FTCD: variants seen among roughly 807,000 people sequenced by gnomAD.
The protein encoded by FTCD is formimidoyltransferase cyclodeaminase, also known as formimidoyltransferase-cyclodeaminase.
Under a neutral mutation model 62.9 loss-of-function variants are expected in FTCD, and 76 were observed. That is an observed-to-expected ratio of 1.21 (90% confidence interval 1.00 to 1.46). The LOEUF is 1.46. FTCD is among the 40% of genes most tolerant of loss of function. FTCD has a pLI of 0.00. For missense variants in FTCD, 845 were observed against 751.3 expected, an observed-to-expected ratio of 1.12 and a Z score of -1.46; for synonymous variants, 397 against 336.9, an observed-to-expected ratio of 1.18 and a Z score of -1.95.
chr21:46,139,298 T>G (rs1169979567), intron 10 of FTCD, among the ~76,000 whole-genome samples: 1 of 152,156 alleles, frequency 6.6e-6, no homozygotes, highest in African/African-American at 2.4e-5. Context: ...CCCCCAAGCC[T>G]GGGCATAAGA....
rs79021510 is a variant in FTCD, at chr21:46,138,614, C to A, written c.1337G>T (p.Arg446Leu). ...RTAALQEGLR[R>L]AVSVPLTLAE... is the part of the protein sequence containing the mutation. ...CAGCGTCAGCGGCACAGAGACTGCC[C>A]GCCTCAGACCCTCCTGTAGGGCCGC... The change falls in exon 12 of 14, where the codon CGG becomes CTG. Residue 446 changes from arginine (R) to leucine (L), a missense_variant. By Grantham distance (102) the Arg-to-Leu change is moderately radical. Coordinates refer to ENST00000397746, the MANE Select transcript of FTCD (RefSeq NM_206965.2). The A allele has an allele frequency of 1.3e-6, 2 of 1,593,168 alleles. No individual in the cohort carries two copies. Among genetic ancestry groups the A allele is most frequent in the Non-Finnish European group, 1.7e-6 (2 of 1,176,850 alleles).
intron 7 of FTCD, 161 bp from the exon 8 acceptor site, chr21:46,146,488 T>G (rs3747000): frequency 0.06 from 38,073 of 633,956 alleles, 3,957 homozygotes; most frequent in East Asian, 0.42. Flanking sequence ...ACCCCCCACC[T>G]CTGCCCCGCC....
intron 10 of FTCD, among the ~76,000 whole-genome samples, chr21:46,141,251 T>C (rs895953883): frequency 1.3e-5 from 2 of 151,912 alleles, no homozygotes; most frequent in Non-Finnish European, 2.9e-5. Flanking sequence ...TACCCCCACT[T>C]AAGCCTCCTG....
chr21:46,152,645 G>A (rs1601349484), intron 3 of FTCD: 1 of 416,186 alleles, frequency 2.4e-6, no homozygotes, highest in East Asian at 3.6e-5. Flanking sequence ...TTCTGCTCTA[G>A]AAGGCGTGGA....
intron 8 of FTCD, 129 bp from the exon 9 acceptor site, chr21:46,146,076 G>A (rs1236973968): frequency 1.4e-6 from 1 of 718,308 alleles, no homozygotes; most frequent in Non-Finnish European, 2.3e-6. Flanking sequence ...GAGAACCTGC[G>A]GGGACCCGGC....
At position 46,145,369 on chromosome 21, in the gene FTCD, G is replaced by A. The variant is rs1213844972; in HGVS notation, c.1260+48C>T. 6.1e-6 allele frequency: 9 copies of A among 1,475,154 alleles called. No individual in the cohort carries two copies. The African/African-American group carries it at 8.4e-5, about 14-fold the overall frequency. The allele number at this position is 1,475,154 out of a possible 1,614,324, so 91.4% of individuals were successfully genotyped here. ...CTTCTCACTGGGGCCCCAGCTGGGG[G>A]TTCGCTGTTGGTGGGGCCCGGGGAG... On this transcript the variant is annotated intron_variant, in intron 10 of 13. Transcript: ENST00000397746.
At chr21:46,137,113 C>A (rs2078886711) in intron 13 of FTCD, 40 bp from the exon 14 acceptor site, 1 of 1,612,932 alleles carries the variant, frequency 6.2e-7, no homozygotes, top group Non-Finnish European at 8.5e-7. Flanking sequence ...TAGTTCCAGT[C>A]TTCAGCCCAG....
rs140393252 is a variant in FTCD, at chr21:46,151,763, A to G, written c.457-26T>C. ...CTGTGAGCAAGTTCGCTCTGGGGTGAGACATCCCCCACGGGAGGGAACAGC... is the reference window on the plus strand; with the variant it reads ...CTGTGAGCAAGTTCGCTCTGGGGTGGGACATCCCCCACGGGAGGGAACAGC... On this transcript the variant is annotated intron_variant, in intron 4 of 13. Transcript: ENST00000397746. 186 of 1,611,296 alleles carry G rather than the reference A, an allele frequency of 1.2e-4. 1 individual carries two copies. The African/African-American group carries it at 2.3e-3, about 20-fold the overall frequency.
chr21:46,152,139 G>A (rs527885994), intron 3 of FTCD, 159 bp from the exon 4 acceptor site: 7 of 600,500 alleles, frequency 1.2e-5, no homozygotes, highest in East Asian at 2.8e-5. Flanking sequence ...GGATGGATGC[G>A]GGTGGTCCCA....
intron 12 of FTCD, 90 bp downstream of exon 12, chr21:46,138,418 C>T (rs1293420183): frequency 7.5e-7 from 1 of 1,333,294 alleles, no homozygotes; most frequent in African/African-American, 1.4e-5. Context: ...TGGCTCAGCC[C>T]AGCCAACCAC....
At chr21:46,149,081 T>TG (rs1187595247) in intron 7 of FTCD, among the ~76,000 whole-genome samples, 1 of 152,036 alleles carries the variant, frequency 6.6e-6, no homozygotes, top group Non-Finnish European at 1.5e-5. Flanking sequence ...CACAAATAAA[T>TG]GGGGCAAAAT....
intron 2 of FTCD, among the ~76,000 whole-genome samples, chr21:46,153,859 G>A (rs1490110544): frequency 6.6e-6 from 1 of 152,250 alleles, no homozygotes; most frequent in Non-Finnish European, 1.5e-5. Flanking sequence ...GGTGGACGGG[G>A]CCCACAAACC....
intron 12 of FTCD, 112 bp from the exon 13 acceptor site, chr21:46,137,446 A>G: frequency 1.2e-6 from 1 of 844,114 alleles, no homozygotes; most frequent in Non-Finnish European, 2.0e-6. Flanking sequence ...TCCTCCTCAC[A>G]AGGAGCCCAG....
rs1376788197 is a variant in FTCD at position 46,137,250 on chromosome 21, A to T, written c.1528T>A (p.Phe510Ile). 3 of 1,612,248 alleles carry T rather than the reference A, an allele frequency of 1.9e-6. No homozygotes were observed. Among genetic ancestry groups the T allele is most frequent in the Admixed American group, 3.3e-5 (2 of 60,010 alleles). ...TGCCTCCTGCTCACCTGGTCCTTAAATGCCTCGTCTGTGATGTCCCTCAGG... is the reference window on the plus strand; with the variant it reads ...TGCCTCCTGCTCACCTGGTCCTTAATTGCCTCGTCTGTGATGTCCCTCAGG... ...INLRDITDEAFKDQIHHRVSS... is the reference protein window; with the variant it reads ...INLRDITDEAIKDQIHHRVSS... Residue 510 changes from phenylalanine to isoleucine, a missense_variant, in exon 13 of 14, where the codon TTT becomes ATT. Phe to Ile is a conservative substitution (Grantham distance 21). Coordinates refer to ENST00000397746, the MANE Select transcript of FTCD (RefSeq NM_206965.2).
intron 11 of FTCD, 69 bp downstream of exon 11, chr21:46,138,805 CCCAGGT>C (rs2078929949): frequency 6.9e-7 from 1 of 1,452,288 alleles, no homozygotes; most frequent in Non-Finnish European, 9.7e-7. Context: ...CGTCACAGCA[CCCAGGT>C]ACTCGGGATC....
In FTCD at chr21:46,152,901, G is replaced by A. The variant is rs769062631; in HGVS notation, c.367+6C>T. On this transcript the variant is annotated splice_donor_region_variant and intron_variant, in intron 3 of 13. Transcript: ENST00000397746. ...CAGAGTGAGGGGGGCGGGGGGGCAC[G>A]CTCACCTGGCACGTCCAGCTCCTCT... is the stretch of plus-strand genomic sequence containing the variant. 1.3e-5 allele frequency: 20 copies of A among 1,567,944 alleles called. No homozygotes were observed. Among genetic ancestry groups the A allele is most frequent in the African/African-American group, 6.7e-5 (5 of 74,284 alleles).
At chr21:46,138,378 G>T (rs994786883) in intron 12 of FTCD, 130 bp downstream of exon 12, 19 of 854,146 alleles carry the variant, frequency 2.2e-5, no homozygotes, top group Non-Finnish European at 3.3e-5. Flanking sequence ...AAAGCCCCGG[G>T]AACTGCCCGT....
At chr21:46,152,385 G>A (rs1008692083) in intron 3 of FTCD, 14 of 211,160 alleles carry the variant, frequency 6.6e-5, no homozygotes, top group Middle Eastern at 1.7e-3. Flanking sequence ...GCCCTGCGTC[G>A]GGATTTCCTT....
intron 12 of FTCD, among the ~76,000 whole-genome samples, chr21:46,138,274 G>A (rs2078914719): frequency 6.6e-6 from 1 of 152,210 alleles, no homozygotes; most frequent in Non-Finnish European, 1.5e-5. Context: ...TGGTCAGGGT[G>A]GGCTCTGCAG....
Sources: allele counts gnomAD v4.1 joint callset (sites outside exome capture counted in the v4.1 genomes callset), GRCh38; gene constraint gnomAD v4.1.1; transcripts MANE v1.5; gene names NCBI Gene and HGNC (gene_info 2026-07-23, HGNC 2026-07-21).